KIAA0513: variants seen among roughly 807,000 people sequenced by gnomAD.
KIAA0513 encodes the protein KIAA0513, also known as uncharacterized protein KIAA0513.
A neutral mutation model predicts 56.5 loss-of-function variants in KIAA0513; 39 were observed. The observed-to-expected ratio is 0.69, with a 90% CI of 0.53 to 0.90. KIAA0513 has a LOEUF of 0.90. KIAA0513 is among the 40% of genes least tolerant of loss of function. The probability of loss-of-function intolerance (pLI) is 0.00; values close to 1 mark genes in which losing one functional copy is unlikely to be tolerated. For synonymous variants in KIAA0513, 268 were observed against 215.6 expected, an observed-to-expected ratio of 1.24 and a Z score of -2.13; for missense variants, 591 against 535.2, an observed-to-expected ratio of 1.10 and a Z score of -1.03.
At chr16:85,084,292 C>G (rs887604434) in intron 10 of KIAA0513, among the ~76,000 whole-genome samples, 1 of 150,560 alleles carries the variant, frequency 6.6e-6, no homozygotes, top group Non-Finnish European at 1.5e-5. Context: ...GTTGCCCAGG[C>G]TGGAGTACAG....
intron 4 of KIAA0513, among the ~76,000 whole-genome samples, chr16:85,073,703 G>A (rs982217848): frequency 1.3e-4 from 20 of 152,234 alleles, no homozygotes; most frequent in African/African-American, 4.8e-4. Context: ...CCGACCCGGA[G>A]CCTCGAGAGG....
intron 4 of KIAA0513, among the ~76,000 whole-genome samples, 156 bp downstream of exon 4, chr16:85,073,154 A>G (rs2073604267): frequency 6.6e-6 from 1 of 152,320 alleles, no homozygotes; most frequent in East Asian, 1.9e-4. Flanking sequence ...TTCAGCTAAA[A>G]GGCACAGTCG....
chr16:85,066,441 G>A lies in KIAA0513; in HGVS notation c.-172-459G>A, dbSNP rs140529038. Among the ~76,000 whole-genome samples, 48 of 152,290 alleles carry A rather than the reference G, an allele frequency of 3.2e-4. No individual in the cohort carries two copies. The East Asian group carries it at 8.3e-3, about 26-fold the overall frequency. On this transcript the variant is annotated intron_variant, in intron 1 of 12. Transcript: ENST00000683363. ...CCTGTGACAGTCCGGGAATGCTTTT[G>A]ACGAGAACAGAGCCCAGGAAGGAGG...
intron 1 of KIAA0513, among the ~76,000 whole-genome samples, chr16:85,057,697 A>G (rs1187240623): frequency 6.6e-6 from 1 of 151,922 alleles, no homozygotes; most frequent in South Asian, 2.1e-4. Flanking sequence ...GCAGTCAGCC[A>G]GAGCTAGCCC....
chr16:85,083,427 C>T (rs954840617), intron 10 of KIAA0513, among the ~76,000 whole-genome samples: 1 of 152,202 alleles, frequency 6.6e-6, no homozygotes, highest in South Asian at 2.1e-4. Flanking sequence ...TGCAGACTTA[C>T]GGCTTTCAAA....
At chr16:85,074,221 TG>T (rs1374497577) in intron 4 of KIAA0513, among the ~76,000 whole-genome samples, 2 of 151,928 alleles carry the variant, frequency 1.3e-5, no homozygotes, top group African/African-American at 4.8e-5. Flanking sequence ...GTGATTCACT[TG>T]CTTCAGCCTC....
chr16:85,056,474 G>A (rs915267936), intron 1 of KIAA0513, among the ~76,000 whole-genome samples: 1 of 152,148 alleles, frequency 6.6e-6, no homozygotes, highest in Non-Finnish European at 1.5e-5. Context: ...CCACCCCACG[G>A]GAAATGCCTG....
rs903342331 is a variant in KIAA0513 at position 85,039,236 on chromosome 16, A to G, written c.-173+11378A>G. ...TTAACCAGGCCCATTTAATGTCGCA[A>G]GGTTCCTTGTAACCCAAAACACTGT... is the stretch of plus-strand genomic sequence containing the variant. On this transcript the variant is annotated intron_variant, in intron 1 of 12. Coordinates refer to ENST00000683363, the MANE Select transcript of KIAA0513 (RefSeq NM_001388359.1). 4.6e-5 allele frequency among the ~76,000 whole-genome samples: 7 copies of G among 152,236 alleles called. 1 individual carries two copies. The highest frequency in any genetic ancestry group is 1.7e-4 in the African/African-American group (7 of 41,464).
intron 1 of KIAA0513, among the ~76,000 whole-genome samples, chr16:85,029,257 A>G (rs2072930321): frequency 6.6e-6 from 1 of 152,212 alleles, no homozygotes; most frequent in African/African-American, 2.4e-5. Flanking sequence ...CGTGGGACTC[A>G]CATGTAGGCA....
chr16:85,056,296 G>A (rs190043122), intron 1 of KIAA0513, among the ~76,000 whole-genome samples: 14 of 152,314 alleles, frequency 9.2e-5, no homozygotes, highest in Middle Eastern at 3.4e-3. Flanking sequence ...AGAAAAGCCC[G>A]CCTTTCCGAG....
Position 85,078,956 on chromosome 16 carries a change from G to T in KIAA0513, c.855G>T (p.Lys285Asn). 2 of 1,614,152 alleles carry T rather than the reference G, an allele frequency of 1.2e-6. No homozygotes were observed. The highest frequency in any genetic ancestry group is 1.7e-6 in the Non-Finnish European group (2 of 1,180,022). ...VTAYSPEDEK[K>N]GEKIYLYTHL... ...CGTACAGCCCCGAGGACGAAAAGAA[G>T]GGGGAGAAGATCTACCTGTACACGC... The change falls in exon 8 of 13, where the codon AAG becomes AAT. Residue 285 changes from lysine to asparagine, a missense_variant. By Grantham distance (94) the Lys-to-Asn change is moderately conservative (BLOSUM62 0). Coordinates refer to ENST00000683363, the MANE Select transcript of KIAA0513 (RefSeq NM_001388359.1).
intron 1 of KIAA0513, among the ~76,000 whole-genome samples, chr16:85,042,578 G>A (rs2073118468): frequency 6.6e-6 from 1 of 152,196 alleles, no homozygotes; most frequent in Non-Finnish European, 1.5e-5. Context: ...CCTCCATAAA[G>A]TGGGGATAAT....
chr16:85,077,236 G>A (rs1399008226), intron 5 of KIAA0513, among the ~76,000 whole-genome samples, 189 bp from the exon 6 acceptor site: 5 of 152,056 alleles, frequency 3.3e-5, no homozygotes, highest in East Asian at 1.9e-4. Flanking sequence ...GGGCACTCAC[G>A]GGGAGCAGGG....
intron 5 of KIAA0513, 122 bp from the exon 6 acceptor site, chr16:85,077,303 A>T: frequency 1.1e-6 from 1 of 880,722 alleles, no homozygotes; most frequent in Non-Finnish European, 1.7e-6. Context: ...TCCTCGGCTG[A>T]GGAGGGAGGC....
At chr16:85,033,364 A>T (rs2072992652) in intron 1 of KIAA0513, among the ~76,000 whole-genome samples, 1 of 152,044 alleles carries the variant, frequency 6.6e-6, no homozygotes, top group Non-Finnish European at 1.5e-5. Context: ...TCTCTGATGC[A>T]CTCTGCAGGG....
At chr16:85,039,157 A>T (rs947902808) in intron 1 of KIAA0513, among the ~76,000 whole-genome samples, 1 of 152,176 alleles carries the variant, frequency 6.6e-6, no homozygotes, top group African/African-American at 2.4e-5. Flanking sequence ...CAAACCCTCA[A>T]TTCTCCTGCT....
In KIAA0513 at chr16:85,039,187, A is replaced by C. The variant is rs75247183; in HGVS notation, c.-173+11329A>C. 3.7e-3 allele frequency among the ~76,000 whole-genome samples: 561 copies of C among 152,368 alleles called. 1 individual carries two copies. The highest frequency in any genetic ancestry group is 0.013 in the African/African-American group (541 of 41,594). On this transcript the variant is annotated intron_variant, in intron 1 of 12. Coordinates refer to ENST00000683363, the MANE Select transcript of KIAA0513 (RefSeq NM_001388359.1). ...CCTGCTGCTATAGAGGTCACGGAAT[A>C]GTCAGTGCCATTGGAAGCCTATTTT...
chr16:85,074,167 G>A (rs902280710), intron 4 of KIAA0513, among the ~76,000 whole-genome samples: 1 of 151,814 alleles, frequency 6.6e-6, no homozygotes, highest in Non-Finnish European at 1.5e-5. Flanking sequence ...TAGAGACAGG[G>A]TTTCACCATG....
intron 2 of KIAA0513, among the ~76,000 whole-genome samples, chr16:85,069,149 G>A (rs2073534305): frequency 6.6e-6 from 1 of 151,528 alleles, no homozygotes; most frequent in Admixed American, 6.6e-5. Flanking sequence ...TCCCACCGCA[G>A]CCTCCCGAGT....
Sources: allele counts gnomAD v4.1 joint callset (sites outside exome capture counted in the v4.1 genomes callset), GRCh38; gene constraint gnomAD v4.1.1; transcripts MANE v1.5; gene names NCBI Gene and HGNC (gene_info 2026-07-23, HGNC 2026-07-21).